SST: variants seen among roughly 807,000 people sequenced by gnomAD.
The protein encoded by SST is growth hormone release-inhibiting factor.
Under a neutral mutation model 10.4 loss-of-function variants are expected in SST, and 7 were observed. The ratio of observed to expected loss-of-function variants is 0.67; its 90% confidence interval spans 0.38 to 1.26. The LOEUF (loss-of-function observed/expected upper bound fraction) is 1.26. SST is among the 50% of genes most tolerant of loss of function. The pLI, the probability that SST is intolerant of heterozygous loss-of-function variation, is 0.02. For missense variants in SST, 145 were observed against 140.8 expected, an observed-to-expected ratio of 1.03 and a Z score of -0.15; for synonymous variants, 63 against 63.9, an observed-to-expected ratio of 0.99 and a Z score of 0.07.
At position 187,670,321 on chromosome 3, in the gene SST, T is replaced by C; in HGVS notation, c.-30A>G. 11 of 1,555,624 alleles carry C rather than the reference T, an allele frequency of 7.1e-6. No homozygotes were observed. Among genetic ancestry groups the C allele is most frequent in the Non-Finnish European group, 9.6e-6 (11 of 1,149,588 alleles). ...GCGCCGCGAAAGCCGAGCTGGAGAG[T>C]GGCTGGTCAAACTCTAGGCGCGGAT... On this transcript the variant is annotated 5_prime_UTR_variant, in exon 1 of 2. Transcript: ENST00000287641.
In SST at chr3:187,669,135, G is replaced by A. The variant is rs746348246; in HGVS notation, c.281C>T (p.Pro94Leu). The A allele has an allele frequency of 7.7e-5, 124 of 1,613,718 alleles. No homozygotes were observed. Among genetic ancestry groups the A allele is most frequent in the Admixed American group, 1.3e-4 (8 of 59,994 alleles). The change falls in exon 2 of 2, where the codon CCG (proline) becomes CTG (leucine). Residue 94 changes from proline (P) to leucine (L), a missense_variant. By Grantham distance (98) the Pro-to-Leu change is moderately conservative (BLOSUM62 -3). Coordinates refer to ENST00000287641, the MANE Select transcript of SST (RefSeq NM_001048.4). ...TTTGCGTTCTCGGGGTGCCATAGCC[G>A]GGTTTGAGTTAGCAGATCTCTGCAG... ...LELQRSANSNPAMAPRERKAG... is the reference protein window; with the variant it reads ...LELQRSANSNLAMAPRERKAG...
rs745967614 is a variant in SST at position 187,669,216 on chromosome 3, G to A, written c.200C>T (p.Ala67Val). ...LSEPNQTEND[A>V]LEPEDLSQAA... ...CTGGGACAGATCTTCAGGTTCCAGG[G>A]CATCATTCTCCGTCTGGTTGGGTTC... The change falls in exon 2 of 2, where the codon GCC (alanine) becomes GTC (valine). Residue 67 changes from alanine to valine, a missense_variant. Physicochemically the swap from Ala to Val is moderately conservative, Grantham distance 64 (BLOSUM62 0). Coordinates refer to ENST00000287641, the MANE Select transcript of SST (RefSeq NM_001048.4). The A allele has an allele frequency of 1.9e-6, 3 of 1,614,016 alleles. No homozygotes were observed. The highest frequency in any genetic ancestry group is 2.5e-6 in the Non-Finnish European group (3 of 1,180,012).
intron 1 of SST, among the ~76,000 whole-genome samples, chr3:187,669,649 G>A (rs1315891889): frequency 6.6e-6 from 1 of 152,012 alleles, no homozygotes; most frequent in African/African-American, 2.4e-5. Flanking sequence ...CACATCACGA[G>A]CTACAAAGTA....
Position 187,669,222 on chromosome 3 carries a change from T to C in SST, c.194A>G (p.Asn65Ser). The change falls in exon 2 of 2, where the codon AAT becomes AGT. Residue 65 changes from asparagine to serine, a missense_variant. By Grantham distance (46) the Asn-to-Ser change is conservative. Transcript: ENST00000287641. The part of the protein sequence containing the change: ...ELLSEPNQTE[N>S]DALEPEDLSQ... ...CAGATCTTCAGGTTCCAGGGCATCA[T>C]TCTCCGTCTGGTTGGGTTCAGACAG... The C allele has an allele frequency of 6.2e-7, 1 of 1,614,006 alleles. No individual in the cohort carries two copies. Among genetic ancestry groups the C allele is most frequent in the Non-Finnish European group, 8.5e-7 (1 of 1,180,006 alleles).
At chr3:187,669,402 G>T (rs1394932079) in intron 1 of SST, 125 bp from the exon 2 acceptor site, 1 of 833,044 alleles carries the variant, frequency 1.2e-6, no homozygotes, top group East Asian at 2.5e-5. Flanking sequence ...TTACAGCTGC[G>T]CATTTTTTGT....
At chr3:187,670,061 G>A in intron 1 of SST, 93 bp downstream of exon 1, 1 of 1,379,586 alleles carries the variant, frequency 7.2e-7, no homozygotes, top group Non-Finnish European at 9.8e-7. Flanking sequence ...CTCTTTAGAA[G>A]GACTGAGCAT....
At position 187,670,220 on chromosome 3, in the gene SST, G is replaced by A; in HGVS notation, c.72C>T (p.Gly24=). 1 of 1,595,546 alleles carries A rather than the reference G, an allele frequency of 6.3e-7. No homozygotes were observed. The highest frequency in any genetic ancestry group is 1.1e-5 in the South Asian group (1 of 87,844). The change falls in exon 1 of 2, where the codon GGC becomes GGT. Residue 24 remains glycine (G), a synonymous_variant. Transcript: ENST00000287641. ...SIVLALGCVT[G]APSDPRLRQF... Reference sequence around the variant, plus strand: ...GACGGAGTCTGGGGTCCGAGGGAGCGCCGGTGACACAGCCCAGGGCCAGGA... The same window carrying A: ...GACGGAGTCTGGGGTCCGAGGGAGCACCGGTGACACAGCCCAGGGCCAGGA...
At chr3:187,669,529 A>AACACACACAC (rs57361717) in intron 1 of SST, among the ~76,000 whole-genome samples, 20 of 147,350 alleles carry the variant, frequency 1.4e-4, no homozygotes, top group Non-Finnish European at 1.7e-4. Flanking sequence ...CTGTAGACTT[A>AACACACACAC]ACACACACAC....
At position 187,669,777 on chromosome 3, in the gene SST, T is replaced by A. The variant is rs374993166; in HGVS notation, c.138+377A>T. On this transcript the variant is annotated intron_variant, in intron 1 of 1. Transcript: ENST00000287641. Reference sequence around the variant, plus strand: ...TTGCCCTAGTCCCGACGTTTGGAAGTGAGGTACGCTAAGAGGTAGCAGCTT... The same window carrying A: ...TTGCCCTAGTCCCGACGTTTGGAAGAGAGGTACGCTAAGAGGTAGCAGCTT... 1.4e-4 allele frequency among the ~76,000 whole-genome samples: 22 copies of A among 152,224 alleles called. No individual in the cohort carries two copies. The East Asian group carries it at 2.1e-3, about 15-fold the overall frequency.
At chr3:187,669,384 TC>T in intron 1 of SST, 107 bp from the exon 2 acceptor site, 1 of 1,129,166 alleles carries the variant, frequency 8.9e-7, no homozygotes, top group Non-Finnish European at 1.3e-6. Flanking sequence ...ACACACAAAA[TC>T]CAGTTTTTAC....
In SST at chr3:187,669,155, C is replaced by G. The variant is rs150548817; in HGVS notation, c.261G>C (p.Gln87His). The G allele has an allele frequency of 1.9e-6, 3 of 1,613,858 alleles. No homozygotes were observed. Among genetic ancestry groups the G allele is most frequent in the Non-Finnish European group, 2.5e-6 (3 of 1,180,020 alleles). ...AEQDEMRLEL[Q>H]RSANSNPAMA... ...TAGCCGGGTTTGAGTTAGCAGATCTCTGCAGCTCAAGCCTCATTTCATCCT... is the reference window on the plus strand; with the variant it reads ...TAGCCGGGTTTGAGTTAGCAGATCTGTGCAGCTCAAGCCTCATTTCATCCT... The change falls in exon 2 of 2, where the codon CAG (glutamine) becomes CAC (histidine). Residue 87 changes from glutamine to histidine, a missense_variant. Gln to His is a conservative substitution (Grantham distance 24, BLOSUM62 0). Coordinates refer to ENST00000287641, the MANE Select transcript of SST (RefSeq NM_001048.4).
intron 1 of SST, 56 bp from the exon 2 acceptor site, chr3:187,669,333 GAAAAAATTTGAAAAGCCT>G: frequency 6.6e-7 from 1 of 1,515,762 alleles, no homozygotes; most frequent in South Asian, 1.2e-5. Context: ...GAGGACAATG[GAAAAAATTTGAAAAGCCT>G]AAATTAAAGA....
chr3:187,670,369 C>G lies in SST; in HGVS notation c.-78G>C, dbSNP rs1180097128. 1.4e-6 allele frequency: 2 copies of G among 1,476,038 alleles called. No individual in the cohort carries two copies. The highest frequency in any genetic ancestry group is 1.4e-5 in the African/African-American group (1 of 71,472). The allele number at this position is 1,476,038 out of a possible 1,614,324, so 91.4% of individuals were successfully genotyped here. On this transcript the variant is annotated 5_prime_UTR_variant, in exon 1 of 2. Coordinates refer to ENST00000287641, the MANE Select transcript of SST (RefSeq NM_001048.4). The stretch of plus-strand genomic sequence containing the variant: ...GATCAGCAGGCAGCAGCGATGGCTC[C>G]GAACCTCGCTCCTAAAGCGGCTTGT...
chr3:187,669,234 T>C lies in SST; in HGVS notation c.182A>G (p.Asn61Ser), dbSNP rs33934967. ...TTCCAGGGCATCATTCTCCGTCTGG[T>C]TGGGTTCAGACAGCAGCTCTGCCAA... Reference protein sequence around the residue: ...YFLAELLSEPNQTENDALEPE... With the variant: ...YFLAELLSEPSQTENDALEPE... The change falls in exon 2 of 2, where the codon AAC becomes AGC. Residue 61 changes from asparagine to serine, a missense_variant. Physicochemically the swap from Asn to Ser is conservative, Grantham distance 46. Coordinates refer to ENST00000287641, the MANE Select transcript of SST (RefSeq NM_001048.4). 3.1e-6 allele frequency: 5 copies of C among 1,613,754 alleles called. No individual in the cohort carries two copies. Among genetic ancestry groups the C allele is most frequent in the East Asian group, 4.5e-5 (2 of 44,866 alleles).
In SST at chr3:187,670,296, G is replaced by A. The variant is rs751586888; in HGVS notation, c.-5C>T. 8 of 1,576,860 alleles carry A rather than the reference G, an allele frequency of 5.1e-6. No individual in the cohort carries two copies. Among genetic ancestry groups the A allele is most frequent in the African/African-American group, 1.3e-5 (1 of 74,234 alleles). On this transcript the variant is annotated 5_prime_UTR_variant, in exon 1 of 2. Transcript: ENST00000287641. ...CTGGAGGCGGCAGGACAGCATCTCG[G>A]CGCCGCGAAAGCCGAGCTGGAGAGT...
Position 187,669,186 on chromosome 3 carries a change from G to T in SST, c.230C>A (p.Ala77Asp). The T allele has an allele frequency of 6.2e-7, 1 of 1,614,002 alleles. No homozygotes were observed. Among genetic ancestry groups the T allele is most frequent in the Non-Finnish European group, 8.5e-7 (1 of 1,180,026 alleles). The change falls in exon 2 of 2, where the codon GCT becomes GAT. Residue 77 changes from alanine (A) to aspartate (D), a missense_variant. Coordinates refer to ENST00000287641, the MANE Select transcript of SST (RefSeq NM_001048.4). ...CTCAAGCCTCATTTCATCCTGCTCA[G>T]CAGCCTGGGACAGATCTTCAGGTTC... is the stretch of plus-strand genomic sequence containing the variant. ...ALEPEDLSQAAEQDEMRLELQ... is the reference protein window; with the variant it reads ...ALEPEDLSQADEQDEMRLELQ...
chr3:187,669,295 G>T lies in SST; in HGVS notation c.139-18C>A. ...GCCAGTTCCTGTATAGGGCAGAAGG[G>T]ATAGAAAAAGAGAGAAAGAGAAGTG... On this transcript the variant is annotated intron_variant, in intron 1 of 1. Transcript: ENST00000287641. 6.2e-7 allele frequency: 1 copy of T among 1,607,782 alleles called. No individual in the cohort carries two copies. Among genetic ancestry groups the T allele is most frequent in the Non-Finnish European group, 8.5e-7 (1 of 1,176,408 alleles).
At chr3:187,670,060 AG>A in intron 1 of SST, 93 bp downstream of exon 1, 1 of 1,359,818 alleles carries the variant, frequency 7.4e-7, no homozygotes, top group South Asian at 1.5e-5. Context: ...ACTCTTTAGA[AG>A]GACTGAGCAT....
In SST at chr3:187,669,046, A is replaced by G. The variant is rs1163852643; in HGVS notation, c.*19T>C. On this transcript the variant is annotated 3_prime_UTR_variant, in exon 2 of 2. Transcript: ENST00000287641. ...GCGAGGGATCAGAGGTCTGATATGG[A>G]CAATACTAGTTAAGAAAGCTAACAG... is the stretch of plus-strand genomic sequence containing the variant. 1.2e-6 allele frequency: 2 copies of G among 1,613,506 alleles called. No individual in the cohort carries two copies. The highest frequency in any genetic ancestry group is 8.5e-7 in the Non-Finnish European group (1 of 1,179,506).
Sources: allele counts gnomAD v4.1 joint callset (sites outside exome capture counted in the v4.1 genomes callset), GRCh38; gene constraint gnomAD v4.1.1; transcripts MANE v1.5; gene names NCBI Gene and HGNC (gene_info 2026-07-23, HGNC 2026-07-21).